The following AIG1 variants were observed in gnomAD, a reference collection of about 807,000 sequenced individuals.
AIG1 encodes the protein androgen induced 1.
In AIG1, 23 loss-of-function variants were observed where a neutral mutation model predicts 31.4. That is an observed-to-expected ratio of 0.73 (90% confidence interval 0.53 to 1.04). The LOEUF (loss-of-function observed/expected upper bound fraction) is 1.04. AIG1 is among the 50% of genes least tolerant of loss of function. The pLI, the probability that AIG1 is intolerant of heterozygous loss-of-function variation, is 0.00. For synonymous variants in AIG1, 100 were observed against 110.5 expected (o/e 0.90, Z 0.60); for missense variants, 274 against 295.0 (o/e 0.93, Z 0.52).
rs1035008882 is a variant in AIG1 at position 143,065,672 on chromosome 6, A to C, written c.141+4606A>C. Reference sequence around the variant, plus strand: ...AAGTAAATGGAAGCTTTCTCTTCCCAAATTTTCATTGAGTATTCTTTTCTT... The same window carrying C: ...AAGTAAATGGAAGCTTTCTCTTCCCCAATTTTCATTGAGTATTCTTTTCTT... On this transcript the variant is annotated intron_variant, in intron 1 of 5. Transcript: ENST00000357847. Among the ~76,000 whole-genome samples, 6 of 152,372 alleles carry C rather than the reference A, an allele frequency of 3.9e-5. No individual in the cohort carries two copies. The East Asian group carries it at 5.8e-4, about 15-fold the overall frequency.
chr6:143,231,298 G>A (rs550962636), intron 3 of AIG1, among the ~76,000 whole-genome samples: 15 of 152,298 alleles, frequency 9.8e-5, no homozygotes, highest in South Asian at 6.2e-4. Context: ...ACCTAATGCC[G>A]AAATAGTGGA....
intron 3 of AIG1, among the ~76,000 whole-genome samples, chr6:143,267,704 T>A (rs1796250771): frequency 6.6e-6 from 1 of 151,988 alleles, no homozygotes; most frequent in African/African-American, 2.4e-5. Context: ...GAATATGGAG[T>A]CAGGGAGATA....
intron 1 of AIG1, 62 bp downstream of exon 1, chr6:143,061,128 GT>G: frequency 6.5e-7 from 1 of 1,548,998 alleles, no homozygotes; most frequent in East Asian, 2.3e-5. Flanking sequence ...GTGTGTGTGT[GT>G]GTGTGTGTGT....
At chr6:143,112,587 C>G (rs1781379148) in intron 1 of AIG1, among the ~76,000 whole-genome samples, 1 of 152,100 alleles carries the variant, frequency 6.6e-6, no homozygotes, top group Admixed American at 6.5e-5. Flanking sequence ...AAGATAGTTA[C>G]CGTGCAGTTT....
chr6:143,186,790 A>G (rs1354943085), intron 3 of AIG1: 1 of 152,822 alleles, frequency 6.5e-6, no homozygotes, highest in Non-Finnish European at 1.5e-5. Context: ...TTCTGTGAAG[A>G]CAGTTTGGTG....
At chr6:143,191,327 T>C (rs1453421443) in intron 3 of AIG1, among the ~76,000 whole-genome samples, 1 of 152,138 alleles carries the variant, frequency 6.6e-6, no homozygotes, top group Non-Finnish European at 1.5e-5. Context: ...TACTACAAGT[T>C]TCAATTAGCA....
intron 2 of AIG1, among the ~76,000 whole-genome samples, chr6:143,152,470 A>G (rs148566466): frequency 4.3e-4 from 65 of 152,334 alleles, no homozygotes; most frequent in African/African-American, 1.6e-3. Context: ...TCCAAAAGAA[A>G]CTTAAATCAA....
rs1554260078 is a variant in AIG1 at position 143,229,784 on chromosome 6, C to CAACAAAAA, written c.400-54324_400-54323insCAAAAAAA. Among the ~76,000 whole-genome samples the CAACAAAAA allele has an allele frequency of 8.7e-5, 7 of 80,704 alleles. 1 individual carries two copies. The highest frequency in any genetic ancestry group is 1.4e-4 in the Admixed American group (1 of 7,134). 52.9% of individuals were successfully genotyped at this position (80,704 alleles called of 152,430 possible). On this transcript the variant is annotated intron_variant, in intron 3 of 5. Transcript: ENST00000357847. The stretch of plus-strand genomic sequence containing the variant: ...GCCTCTCGTTTCTGGACTCTCAGAA[C>CAACAAAAA]AAAAAAAAAAAAAAAAAAAAGGATC...
chr6:143,063,427 T>C (rs935488222), intron 1 of AIG1, among the ~76,000 whole-genome samples: 2 of 152,210 alleles, frequency 1.3e-5, no homozygotes, highest in African/African-American at 4.8e-5. Context: ...AAAGTATGTC[T>C]GAGATATATT....
chr6:143,204,562 C>T (rs1214224508), intron 3 of AIG1, among the ~76,000 whole-genome samples: 1 of 152,126 alleles, frequency 6.6e-6, no homozygotes. Context: ...AGCATCACTT[C>T]TGCTGCTTCT....
intron 4 of AIG1, among the ~76,000 whole-genome samples, chr6:143,315,811 G>T (rs1775694629): frequency 6.6e-6 from 1 of 151,990 alleles, no homozygotes; most frequent in Admixed American, 6.6e-5. Context: ...ACTTGACTCA[G>T]CCATGAGCAA....
At chr6:143,324,308 C>T (rs1776439676) in intron 4 of AIG1, among the ~76,000 whole-genome samples, 1 of 152,174 alleles carries the variant, frequency 6.6e-6, no homozygotes, top group East Asian at 1.9e-4. Context: ...CTTAGTCTTG[C>T]GTTAAAACTT....
chr6:143,174,226 C>T (rs371676648), intron 3 of AIG1, among the ~76,000 whole-genome samples: 17 of 152,180 alleles, frequency 1.1e-4, no homozygotes, highest in African/African-American at 3.1e-4. Flanking sequence ...TGGTGGCTCA[C>T]GCCTGTAATC....
chr6:143,272,975 A>G (rs1054341939), intron 3 of AIG1, among the ~76,000 whole-genome samples: 3 of 152,162 alleles, frequency 2.0e-5, no homozygotes, highest in African/African-American at 7.2e-5. Context: ...CTAAAAATAC[A>G]AAAATTAGCT....
At chr6:143,242,443 A>G (rs1054812965) in intron 3 of AIG1, among the ~76,000 whole-genome samples, 2 of 152,252 alleles carry the variant, frequency 1.3e-5, no homozygotes, top group Non-Finnish European at 2.9e-5. Flanking sequence ...CCCCACAACT[A>G]TATGGGGAAG....
intron 3 of AIG1, among the ~76,000 whole-genome samples, chr6:143,180,735 A>G (rs1788643505): frequency 6.6e-6 from 1 of 152,214 alleles, no homozygotes; most frequent in Non-Finnish European, 1.5e-5. Flanking sequence ...TGGTATTCTT[A>G]TAATCACAGC....
intron 3 of AIG1, among the ~76,000 whole-genome samples, chr6:143,217,946 A>G (rs1562498760): frequency 6.6e-6 from 1 of 152,262 alleles, no homozygotes; most frequent in African/African-American, 2.4e-5. Context: ...ACAATGCCCC[A>G]TGCCATGCTT....
chr6:143,098,571 A>G (rs541479320), intron 1 of AIG1, among the ~76,000 whole-genome samples: 1 of 152,264 alleles, frequency 6.6e-6, no homozygotes, highest in South Asian at 2.1e-4. Context: ...AATACATTCT[A>G]TCTGATGTTG....
In AIG1 at chr6:143,299,242, T is replaced by A. The variant is rs1248009743; in HGVS notation, c.515+15017T>A. The A allele has an allele frequency of 1.3e-5, 2 of 152,234 alleles. No homozygotes were observed. Among genetic ancestry groups the A allele is most frequent in the African/African-American group, 2.4e-5 (1 of 41,458 alleles). The allele number at this position is 152,234 out of a possible 1,614,324, so 9.4% of individuals were successfully genotyped here. A position where few individuals can be genotyped will look rare whatever the true frequency, so the allele number is the denominator to read the frequency against. On this transcript the variant is annotated intron_variant, in intron 4 of 5. Coordinates refer to ENST00000357847, the MANE Select transcript of AIG1 (RefSeq NM_016108.4). The surrounding 1 kb of genome is among the most constrained non-coding windows in gnomAD (Gnocchi z 4.1). Reference sequence around the variant, plus strand: ...GCAGTACCACTTCTCCTTAGCATCATGTACAATTTCTTCTCTGCTGTGATA... The same window carrying A: ...GCAGTACCACTTCTCCTTAGCATCAAGTACAATTTCTTCTCTGCTGTGATA...
Sources: gnomAD v4.1 joint callset for allele counts (sites outside exome capture counted in the v4.1 genomes callset) on GRCh38, gnomAD v4.1.1 for gene constraint, Gnocchi (gnomAD v3.1) non-coding constraint, MANE v1.5 for transcripts, NCBI Gene and HGNC (gene_info 2026-07-23, HGNC 2026-07-21) for gene names.